MTHFD1L: variants seen among roughly 807,000 people sequenced by gnomAD.
MTHFD1L encodes the protein monofunctional C1-tetrahydrofolate synthase, mitochondrial.
A neutral mutation model predicts 119.5 loss-of-function variants in MTHFD1L; 81 were observed. That is an observed-to-expected ratio of 0.68 (90% confidence interval 0.57 to 0.82). The LOEUF is 0.82. Ranked by LOEUF, MTHFD1L falls within the 40% of genes least tolerant of loss-of-function variation. The probability of loss-of-function intolerance (pLI) is 0.00; values close to 1 mark genes in which losing one functional copy is unlikely to be tolerated. For missense variants in MTHFD1L, 1,125 were observed against 1,253.4 expected, an observed-to-expected ratio of 0.90 and a Z score of 1.55; for synonymous variants, 430 against 475.2, an observed-to-expected ratio of 0.90 and a Z score of 1.24.
intron 20 of MTHFD1L, among the ~76,000 whole-genome samples, chr6:150,976,500 AAT>A (rs1201752721): frequency 2.0e-5 from 3 of 152,244 alleles, no homozygotes; most frequent in African/African-American, 7.2e-5. Context: ...ACAGAAGTTA[AAT>A]AGAGTAGGCA....
At chr6:150,898,901 G>C (rs1157210160) in intron 7 of MTHFD1L, 2 of 781,584 alleles carry the variant, frequency 2.6e-6, no homozygotes, top group Non-Finnish European at 3.4e-6. Context: ...GCAGGCGCGT[G>C]ATCTAGGCTC....
At chr6:151,002,499 C>T (rs752285435) in intron 20 of MTHFD1L, among the ~76,000 whole-genome samples, 8 of 152,132 alleles carry the variant, frequency 5.3e-5, no homozygotes, top group Non-Finnish European at 1.0e-4. Flanking sequence ...AGCGGTAAGG[C>T]GGACAGCTGC....
intron 24 of MTHFD1L, among the ~76,000 whole-genome samples, chr6:151,020,162 T>C (rs472703): frequency 0.27 from 41,395 of 152,166 alleles, 7,785 homozygotes; most frequent in East Asian, 0.67. Flanking sequence ...TGGCATCTTG[T>C]GTGCTATTCT....
At chr6:151,015,293 T>C (rs1434424307) in intron 23 of MTHFD1L, among the ~76,000 whole-genome samples, 2 of 151,458 alleles carry the variant, frequency 1.3e-5, no homozygotes, top group African/African-American at 4.9e-5. Context: ...TTATGGAATT[T>C]TCTTGATAAC....
At chr6:150,946,936 G>A (rs917692711) in intron 15 of MTHFD1L, among the ~76,000 whole-genome samples, 12 of 151,554 alleles carry the variant, frequency 7.9e-5, no homozygotes, top group African/African-American at 2.2e-4. Context: ...TTAGCCGGGC[G>A]TGGTGGCAGG....
intron 20 of MTHFD1L, among the ~76,000 whole-genome samples, chr6:150,975,756 T>G (rs1776463489): frequency 6.6e-6 from 1 of 152,196 alleles, no homozygotes; most frequent in South Asian, 2.1e-4. Context: ...TGGCATGAAA[T>G]GGTGCCCATG....
chr6:150,931,074 G>T (rs1291402490), intron 11 of MTHFD1L, among the ~76,000 whole-genome samples: 4 of 152,154 alleles, frequency 2.6e-5, no homozygotes, highest in Admixed American at 2.6e-4. Context: ...TTTTGTTTGA[G>T]AACTTGACTT....
chr6:151,042,625 CTTT>C (rs1417821803), intron 26 of MTHFD1L, among the ~76,000 whole-genome samples: 1 of 152,116 alleles, frequency 6.6e-6, no homozygotes, highest in Admixed American at 6.5e-5. Context: ...TTGATATTGT[CTTT>C]AAGTTTCTAT....
At position 151,000,805 on chromosome 6, in the gene MTHFD1L, C is replaced by T. The variant is rs76703418; in HGVS notation, c.2126-9014C>T. Among the ~76,000 whole-genome samples, 557 of 152,280 alleles carry T rather than the reference C, an allele frequency of 3.7e-3. 4 individuals are homozygous for T. Among genetic ancestry groups the T allele is most frequent in the African/African-American group, 0.013 (535 of 41,556 alleles). On this transcript the variant is annotated intron_variant, in intron 20 of 27. Transcript: ENST00000367321. ...GTTTATATAGGGCAGAAAAAGGCAG[C>T]CTGAAGATTCTACTTTCTATTTCTT...
At chr6:151,047,610 G>A (rs2128566582) in intron 26 of MTHFD1L, among the ~76,000 whole-genome samples, 1 of 152,202 alleles carries the variant, frequency 6.6e-6, no homozygotes, top group South Asian at 2.1e-4. Context: ...CTACAGCTGG[G>A]AACAAAAAGA....
chr6:150,930,060 T>G (rs1367045109), intron 11 of MTHFD1L, among the ~76,000 whole-genome samples: 1 of 152,220 alleles, frequency 6.6e-6, no homozygotes, highest in African/African-American at 2.4e-5. Context: ...TCTAATCCCT[T>G]AATAGCTGAA....
intron 20 of MTHFD1L, among the ~76,000 whole-genome samples, chr6:151,002,498 G>A (rs140344410): frequency 9.1e-4 from 139 of 152,254 alleles, no homozygotes; most frequent in African/African-American, 3.3e-3. Flanking sequence ...GAGCGGTAAG[G>A]CGGACAGCTG....
chr6:151,016,336 T>C (rs1303623485), intron 24 of MTHFD1L, among the ~76,000 whole-genome samples: 1 of 148,982 alleles, frequency 6.7e-6, no homozygotes, highest in East Asian at 1.9e-4. Context: ...TCATTTCTCT[T>C]TTTTTTTTTT....
intron 26 of MTHFD1L, among the ~76,000 whole-genome samples, chr6:151,051,893 G>T (rs1789102802): frequency 6.6e-6 from 1 of 152,258 alleles, no homozygotes; most frequent in African/African-American, 2.4e-5. Flanking sequence ...GCCCTCCTGA[G>T]GGAGGCAGGG....
intron 24 of MTHFD1L, among the ~76,000 whole-genome samples, chr6:151,019,915 G>A (rs773142678): frequency 6.6e-6 from 1 of 152,182 alleles, no homozygotes; most frequent in Non-Finnish European, 1.5e-5. Flanking sequence ...AGTAACTTAA[G>A]TAATGGTTTT....
intron 8 of MTHFD1L, among the ~76,000 whole-genome samples, chr6:150,915,513 G>A (rs958978511): frequency 3.3e-5 from 5 of 152,178 alleles, no homozygotes; most frequent in South Asian, 4.1e-4. Flanking sequence ...TTCTTCACTC[G>A]CAAGGGTATT....
chr6:150,926,178 A>G lies in MTHFD1L; in HGVS notation c.1139A>G (p.Glu380Gly), dbSNP rs1200556159. Residue 380 changes from glutamate (E) to glycine (G), a missense_variant, in exon 11 of 28, where the codon GAG becomes GGG. Physicochemically the swap from Glu to Gly is moderately conservative, Grantham distance 98. Transcript: ENST00000367321. This position sits in a 1 kb window ranked among gnomAD's most constrained non-coding sequence, Gnocchi z 4.3. ...AAAGCTGTGGATGTCCTTGCCAAGG[A>G]GATTGGATTGCTTGCAGATGAAATT... ...TPKAVDVLAK[E>G]IGLLADEIEI... 6.2e-7 allele frequency: 1 copy of G among 1,614,030 alleles called. No homozygotes were observed. The highest frequency in any genetic ancestry group is 2.2e-5 in the East Asian group (1 of 44,890).
chr6:150,991,838 T>A (rs1212527124), intron 20 of MTHFD1L, among the ~76,000 whole-genome samples: 1 of 152,202 alleles, frequency 6.6e-6, no homozygotes, highest in Non-Finnish European at 1.5e-5. Context: ...AATAGTGGTT[T>A]CAGGAAGGCT....
chr6:150,932,043 TC>T (rs954703436), intron 11 of MTHFD1L, among the ~76,000 whole-genome samples: 3 of 149,854 alleles, frequency 2.0e-5, no homozygotes, highest in Non-Finnish European at 4.4e-5. Context: ...GTGCCTGTAA[TC>T]CCAGCTACTC....
Sources: allele counts gnomAD v4.1 joint callset (sites outside exome capture counted in the v4.1 genomes callset), GRCh38; gene constraint gnomAD v4.1.1; non-coding constraint Gnocchi (gnomAD v3.1); transcripts MANE v1.5; gene names NCBI Gene and HGNC (gene_info 2026-07-23, HGNC 2026-07-21).